AGBL1: variants seen among roughly 807,000 people sequenced by gnomAD.
AGBL1 encodes cytosolic carboxypeptidase 4.
A neutral mutation model predicts 118.9 loss-of-function variants in AGBL1; 130 were observed. The ratio of observed to expected loss-of-function variants is 1.09; its 90% CI spans 0.95 to 1.26. The LOEUF (loss-of-function observed/expected upper bound fraction) is 1.26, where lower values mean the gene tolerates loss of function less well. Ranked by LOEUF, AGBL1 falls within the 50% of genes most tolerant of loss-of-function variation. The pLI is 0.00. For synonymous variants in AGBL1, 555 were observed against 478.9 expected (o/e 1.16, Z -2.08); for missense variants, 1,584 against 1,298.1 (o/e 1.22, Z -3.38).
At chr15:86,340,031 T>C (rs914808180) in intron 17 of AGBL1, among the ~76,000 whole-genome samples, 2 of 152,224 alleles carry the variant, frequency 1.3e-5, no homozygotes, top group African/African-American at 2.4e-5. Flanking sequence ...AGGACCTTTT[T>C]AATTTTCATT....
intron 5 of AGBL1, among the ~76,000 whole-genome samples, chr15:86,160,694 G>C (rs2141713738): frequency 6.6e-6 from 1 of 152,314 alleles, no homozygotes; most frequent in South Asian, 2.1e-4. Flanking sequence ...TAATTCAGCT[G>C]TTCAGAAGGT....
intron 22 of AGBL1, among the ~76,000 whole-genome samples, chr15:86,789,500 A>T (rs77153126): frequency 0.023 from 3,484 of 152,304 alleles, 57 homozygotes; most frequent in Middle Eastern, 0.044. Context: ...AAACAGCTGA[A>T]TACAAATGGA....
In AGBL1 at chr15:86,827,469, ACATATATATATATATGTGTG is replaced by A. The variant is rs1204973821; in HGVS notation, c.3159-79617_3159-79598del. 1.3e-3 allele frequency among the ~76,000 whole-genome samples: 13 copies of A among 10,358 alleles called. 2 individuals are homozygous for A. Among genetic ancestry groups the A allele is most frequent in the African/African-American group, 4.1e-3 (5 of 1,214 alleles). 6.8% of individuals were successfully genotyped at this position (10,358 alleles called of 152,430 possible). A position where few individuals can be genotyped will look rare whatever the true frequency, so the allele number is the denominator to read the frequency against. The stretch of plus-strand genomic sequence containing the variant: ...TGTGTGTATATATATATATATATAT[ACATATATATATATATGTGTG>A]TATATATATATATATATATATATAT... On this transcript the variant is annotated intron_variant, in intron 22 of 22. Coordinates refer to ENST00000614907, the MANE Select transcript of AGBL1 (RefSeq NM_001386094.1).
chr15:86,635,757 C>T (rs1951334802), intron 21 of AGBL1, among the ~76,000 whole-genome samples: 1 of 152,106 alleles, frequency 6.6e-6, no homozygotes, highest in East Asian at 1.9e-4. Flanking sequence ...CAAAAGATAT[C>T]ACCCATCACA....
At chr15:86,560,713 A>T (rs1044556685) in intron 21 of AGBL1, among the ~76,000 whole-genome samples, 2 of 152,238 alleles carry the variant, frequency 1.3e-5, no homozygotes, top group Admixed American at 6.5e-5. Flanking sequence ...AGGAATCGCC[A>T]CACTGTCTTC....
At chr15:86,870,130 T>C (rs1016112560) in intron 22 of AGBL1, among the ~76,000 whole-genome samples, 1 of 152,134 alleles carries the variant, frequency 6.6e-6, no homozygotes, top group Non-Finnish European at 1.5e-5. Flanking sequence ...TGTTTATAAT[T>C]GAACAACATG....
In AGBL1 at chr15:86,764,587, T is replaced by C. The variant is rs553685326; in HGVS notation, c.3158+90151T>C. Among the ~76,000 whole-genome samples the C allele has an allele frequency of 5.9e-5, 9 of 152,184 alleles. No individual in the cohort carries two copies. The East Asian group carries it at 1.2e-3, about 20-fold the overall frequency. On this transcript the variant is annotated intron_variant, in intron 22 of 22. Coordinates refer to ENST00000614907, the MANE Select transcript of AGBL1 (RefSeq NM_001386094.1). ...TGTATACTCTTACATTTTAAAGTTATTTGTAGGGTAAAAGTATAATAAAGG... is the reference window on the plus strand; with the variant it reads ...TGTATACTCTTACATTTTAAAGTTACTTGTAGGGTAAAAGTATAATAAAGG...
intron 24 of AGBL1, among the ~76,000 whole-genome samples, chr15:87,022,658 G>T (rs1423161762): frequency 6.6e-6 from 1 of 152,034 alleles, no homozygotes; most frequent in African/African-American, 2.4e-5. Flanking sequence ...TTGTCATCGG[G>T]TTATATAAGT....
At chr15:86,318,010 G>A (rs1218439895) in intron 17 of AGBL1, among the ~76,000 whole-genome samples, 1 of 152,176 alleles carries the variant, frequency 6.6e-6, no homozygotes, top group Non-Finnish European at 1.5e-5. Flanking sequence ...CTGAGTCCAA[G>A]CTTCTTCATT....
rs75916806 is a variant in AGBL1 at position 86,433,569 on chromosome 15, G to T, written c.2555+36023G>T. Among the ~76,000 whole-genome samples the T allele has an allele frequency of 2.6e-5, 4 of 152,152 alleles. No homozygotes were observed. The South Asian group carries it at 6.2e-4, about 24-fold the overall frequency. On this transcript the variant is annotated intron_variant, in intron 18 of 22. Coordinates refer to ENST00000614907, the MANE Select transcript of AGBL1 (RefSeq NM_001386094.1). ...CTTTGACCGCCATTCACATTTCTTG[G>T]AGAGAGAAGTGTGTCAGGGTCTCTA...
chr15:86,353,243 T>C (rs2080659955), intron 17 of AGBL1, among the ~76,000 whole-genome samples: 1 of 152,186 alleles, frequency 6.6e-6, no homozygotes, highest in African/African-American at 2.4e-5. Flanking sequence ...ATTCAGGCTG[T>C]TGCCAGGAAA....
At chr15:86,375,634 T>C (rs2081032055) in intron 17 of AGBL1, among the ~76,000 whole-genome samples, 2 of 152,196 alleles carry the variant, frequency 1.3e-5, no homozygotes, top group Non-Finnish European at 2.9e-5. Context: ...TCTTTCATGG[T>C]ACCTGATGCA....
intron 22 of AGBL1, among the ~76,000 whole-genome samples, chr15:86,776,828 C>G (rs2078263728): frequency 6.7e-6 from 1 of 148,524 alleles, no homozygotes; most frequent in South Asian, 2.1e-4. Context: ...GTTAATAAAA[C>G]AGGTTTTTTT....
intron 22 of AGBL1, among the ~76,000 whole-genome samples, chr15:86,891,126 A>G (rs1214000106): frequency 6.6e-6 from 1 of 151,886 alleles, no homozygotes; most frequent in African/African-American, 2.4e-5. Context: ...ATTCCTAGGT[A>G]TTTTATTCTT....
intron 5 of AGBL1, among the ~76,000 whole-genome samples, chr15:86,192,823 A>G (rs1161471482): frequency 6.6e-6 from 1 of 152,174 alleles, no homozygotes; most frequent in Non-Finnish European, 1.5e-5. Flanking sequence ...TAGGTGAAAA[A>G]TGCAGATACA....
At chr15:87,009,734 C>T (rs1473735511) in intron 24 of AGBL1, among the ~76,000 whole-genome samples, 2 of 152,188 alleles carry the variant, frequency 1.3e-5, no homozygotes, top group Admixed American at 1.3e-4. Flanking sequence ...CCACTTGCAT[C>T]AGAGTGACCT....
chr15:86,201,908 GC>G (rs1745326248), intron 5 of AGBL1, among the ~76,000 whole-genome samples: 1 of 152,162 alleles, frequency 6.6e-6, no homozygotes, highest in South Asian at 2.1e-4. Context: ...ATAGGTTTGG[GC>G]ACATGTAGGG....
At chr15:86,549,878 G>A (rs1178688280) in intron 20 of AGBL1, among the ~76,000 whole-genome samples, 1 of 145,348 alleles carries the variant, frequency 6.9e-6, no homozygotes, top group African/African-American at 2.5e-5. Context: ...AGGGTGGGGA[G>A]GGGAGTGGAG....
At chr15:86,739,591 C>G (rs2077649205) in intron 22 of AGBL1, among the ~76,000 whole-genome samples, 1 of 151,442 alleles carries the variant, frequency 6.6e-6, no homozygotes, top group South Asian at 2.1e-4. Flanking sequence ...TTCAAAAGAC[C>G]TGGGTTCAAA....
Sources: allele counts gnomAD v4.1 joint callset (sites outside exome capture counted in the v4.1 genomes callset), GRCh38; gene constraint gnomAD v4.1.1; transcripts MANE v1.5; gene names NCBI Gene and HGNC (gene_info 2026-07-23, HGNC 2026-07-21).